The following NXNL2 variants were observed in gnomAD, a reference collection of about 807,000 sequenced individuals.
NXNL2 encodes nucleoredoxin like 2.
NXNL2 carries 7 observed loss-of-function variants against 11.1 expected under a neutral mutation model. The ratio of observed to expected loss-of-function variants is 0.63; its 90% CI spans 0.36 to 1.18. The LOEUF is 1.18. NXNL2 is among the 50% of genes most tolerant of loss of function. NXNL2 has a pLI of 0.02. For synonymous variants in NXNL2, 109 were observed against 101.8 expected, an observed-to-expected ratio of 1.07 and a Z score of -0.42; for missense variants, 233 against 217.7, an observed-to-expected ratio of 1.07 and a Z score of -0.44.
intron 1 of NXNL2, among the ~76,000 whole-genome samples, chr9:88,553,404 A>G (rs1829969464): frequency 1.3e-5 from 2 of 152,074 alleles, no homozygotes; most frequent in Admixed American, 1.3e-4. Context: ...CTCCTCCCCA[A>G]ATAGCCCTCC....
At chr9:88,556,729 G>A (rs1830016588) in intron 1 of NXNL2, among the ~76,000 whole-genome samples, 1 of 152,062 alleles carries the variant, frequency 6.6e-6, no homozygotes, top group Admixed American at 6.5e-5. Context: ...GCCTTCTACT[G>A]CTATCAACAC....
At chr9:88,563,628 G>A (rs1268971241) in intron 1 of NXNL2, among the ~76,000 whole-genome samples, 1 of 152,166 alleles carries the variant, frequency 6.6e-6, no homozygotes, top group Non-Finnish European at 1.5e-5. Flanking sequence ...ATCATGTGGT[G>A]TTGCTGCTTC....
At chr9:88,539,005 G>A (rs139688847) in intron 1 of NXNL2, among the ~76,000 whole-genome samples, 6 of 152,222 alleles carry the variant, frequency 3.9e-5, no homozygotes, top group African/African-American at 1.4e-4. Flanking sequence ...GCAAACCACA[G>A]GCCTGTACTC....
downstream of NXNL2, among the ~76,000 whole-genome samples, chr9:88,547,879 T>C (rs1403771911): frequency 6.6e-6 from 1 of 150,584 alleles, no homozygotes; most frequent in Non-Finnish European, 1.5e-5. Flanking sequence ...TAGCCAGGCA[T>C]GGTGGCGGGC....
chr9:88,566,892 C>G (rs1228624481), intron 1 of NXNL2, among the ~76,000 whole-genome samples: 2 of 151,786 alleles, frequency 1.3e-5, no homozygotes, highest in African/African-American at 4.9e-5. Context: ...TCTATCTAGC[C>G]TATTATCTAT....
rs150750537 is a variant in NXNL2 at position 88,573,354 on chromosome 9, G to T, written c.*17-1733G>T. Among the ~76,000 whole-genome samples, 106 of 152,260 alleles carry T rather than the reference G, an allele frequency of 7.0e-4. 1 individual carries two copies. Among genetic ancestry groups the T allele is most frequent in the African/African-American group, 2.4e-3 (98 of 41,542 alleles). On this transcript the variant is annotated intron_variant, in intron 2 of 2. Coordinates refer to the NXNL2 transcript ENST00000375855. ...AGAAGGCGTTTTGCCATGTTGTCCA[G>T]GTTGGTTTCGAACTCCTGGGCTCAA...
intron 1 of NXNL2, among the ~76,000 whole-genome samples, chr9:88,560,097 G>C (rs1326564779): frequency 6.6e-6 from 1 of 152,062 alleles, no homozygotes; most frequent in African/African-American, 2.4e-5. Context: ...TTATCATCAG[G>C]AACCTAATAC....
chr9:88,560,629 T>G (rs1452907900), intron 1 of NXNL2, among the ~76,000 whole-genome samples: 1 of 152,144 alleles, frequency 6.6e-6, no homozygotes, highest in Non-Finnish European at 1.5e-5. Flanking sequence ...ACAGGCCAGG[T>G]GCAGTGCTGT....
chr9:88,535,680 C>T lies in NXNL2; in HGVS notation c.246C>T (p.Phe82=). 1 of 1,603,756 alleles carries T rather than the reference C, an allele frequency of 6.2e-7. No individual in the cohort carries two copies. Among genetic ancestry groups the T allele is most frequent in the Non-Finnish European group, 8.5e-7 (1 of 1,177,486 alleles). Residue 82 remains phenylalanine (F), a synonymous_variant, in exon 1 of 2, where the codon TTC becomes TTT. Coordinates refer to ENST00000375854, the MANE Select transcript of NXNL2 (RefSeq NM_001161625.2). The part of the protein sequence containing the change: ...ADGSSQEMLD[F]MRELHGAWLA... Reference sequence around the variant, plus strand: ...GCAGCTCCCAGGAGATGCTGGACTTCATGCGCGAGCTGCATGGCGCCTGGC... The same window carrying T: ...GCAGCTCCCAGGAGATGCTGGACTTTATGCGCGAGCTGCATGGCGCCTGGC...
chr9:88,548,339 CAAAAAAAAAAAAAAAA>C (rs60796870), downstream of NXNL2, among the ~76,000 whole-genome samples: 716 of 30,900 alleles, frequency 0.023, 8 homozygotes, highest in African/African-American at 0.082. Flanking sequence ...GACTTTTTCT[CAAAAAAAAAAAAAAAA>C]AAAAAAAAAA....
At chr9:88,559,636 C>T (rs1830061789) in intron 1 of NXNL2, among the ~76,000 whole-genome samples, 1 of 152,194 alleles carries the variant, frequency 6.6e-6, no homozygotes, top group Admixed American at 6.5e-5. Context: ...AGACTCTGAG[C>T]ACAGAATCCC....
chr9:88,580,819 A>G (rs1326351751), intron 1 of NXNL2, among the ~76,000 whole-genome samples: 1 of 152,186 alleles, frequency 6.6e-6, no homozygotes, highest in Non-Finnish European at 1.5e-5. Flanking sequence ...TTAAGTCATC[A>G]AATGTCCTTG....
chr9:88,550,547 C>T (rs1829916651), intron 1 of NXNL2, among the ~76,000 whole-genome samples: 1 of 152,158 alleles, frequency 6.6e-6, no homozygotes, highest in African/African-American at 2.4e-5. Context: ...TTGGTTTGGC[C>T]TAAAAAGGTG....
chr9:88,580,138 C>CAA (rs989538931), downstream of NXNL2, among the ~76,000 whole-genome samples: 6 of 118,356 alleles, frequency 5.1e-5, no homozygotes, highest in Non-Finnish European at 9.0e-5. Flanking sequence ...GACTCCATCT[C>CAA]AAAAAAAAAA....
At position 88,538,948 on chromosome 9, in the gene NXNL2, A is replaced by T. The variant is rs150604644; in HGVS notation, c.302+3212A>T. ...TGACACACAGCTAGTTCATGCCAGA[A>T]AATGAAGGAGACATGGTTTCCCAAG... On this transcript the variant is annotated intron_variant, in intron 1 of 1. Coordinates refer to ENST00000375854, the MANE Select transcript of NXNL2 (RefSeq NM_001161625.2). Among the ~76,000 whole-genome samples the T allele has an allele frequency of 6.8e-4, 103 of 152,278 alleles. No homozygotes were observed. The Middle Eastern group carries it at 0.014, about 20-fold the overall frequency.
chr9:88,575,079 C>G (rs1246894942), intron 2 of NXNL2: 1 of 955,516 alleles, frequency 1.0e-6, no homozygotes, highest in African/African-American at 1.8e-5. Context: ...CTTCTTATTC[C>G]TTTGAAGCCA....
At chr9:88,572,689 C>A (rs142297886) in intron 2 of NXNL2, among the ~76,000 whole-genome samples, 32 of 152,282 alleles carry the variant, frequency 2.1e-4, no homozygotes, top group Non-Finnish European at 4.6e-4. Flanking sequence ...TGAGGCTGAG[C>A]CTCGCTTTAA....
downstream of NXNL2, among the ~76,000 whole-genome samples, chr9:88,576,879 T>C (rs1830354201): frequency 1.3e-5 from 2 of 152,172 alleles, no homozygotes; most frequent in Non-Finnish European, 2.9e-5. Context: ...GAAGTGCTTC[T>C]TCTCGGCCAT....
At chr9:88,564,282 CTAT>C (rs1384616702) in intron 1 of NXNL2, among the ~76,000 whole-genome samples, 1,673 of 106,476 alleles carry the variant, frequency 0.016, 36 homozygotes, top group African/African-American at 0.052. Context: ...ATCTATCTAT[CTAT>C]TATCTATCTA....
Sources: gnomAD v4.1 joint callset for allele counts (sites outside exome capture counted in the v4.1 genomes callset) on GRCh38, gnomAD v4.1.1 for gene constraint, MANE v1.5 for transcripts, NCBI Gene and HGNC (gene_info 2026-07-23, HGNC 2026-07-21) for gene names.